ZCCHC7: variants seen among roughly 807,000 people sequenced by gnomAD.
The protein encoded by ZCCHC7 is zinc finger CCHC domain-containing protein 7.
A neutral mutation model predicts 52.0 loss-of-function variants in ZCCHC7; 35 were observed. That is an observed-to-expected ratio of 0.67 (90% CI 0.51 to 0.89). The LOEUF is 0.89. ZCCHC7 is among the 40% of genes least tolerant of loss of function. The pLI, the probability that ZCCHC7 is intolerant of heterozygous loss-of-function variation, is 0.00. For synonymous variants in ZCCHC7, 217 were observed against 221.5 expected (o/e 0.98, Z 0.18); for missense variants, 574 against 649.1 (o/e 0.88, Z 1.26).
intron 2 of ZCCHC7, among the ~76,000 whole-genome samples, chr9:37,301,934 C>T (rs1015957555): frequency 7.2e-5 from 11 of 152,104 alleles, no homozygotes; most frequent in African/African-American, 2.7e-4. Context: ...TTTATTCTCA[C>T]AGGACTTTTT....
At chr9:37,201,462 A>G (rs1820582343) in intron 2 of ZCCHC7, among the ~76,000 whole-genome samples, 1 of 152,236 alleles carries the variant, frequency 6.6e-6, no homozygotes, top group Non-Finnish European at 1.5e-5. Context: ...TATTGCAAGT[A>G]TTAGAAAACA....
intron 2 of ZCCHC7, among the ~76,000 whole-genome samples, chr9:37,239,926 A>C (rs936743919): frequency 6.6e-6 from 1 of 152,114 alleles, no homozygotes; most frequent in African/African-American, 2.4e-5. Flanking sequence ...GAATGAAAAC[A>C]TATGGGAACC....
intron 6 of ZCCHC7, among the ~76,000 whole-genome samples, chr9:37,344,298 T>C (rs903199891): frequency 1.3e-5 from 2 of 152,202 alleles, no homozygotes; most frequent in Non-Finnish European, 2.9e-5. Flanking sequence ...TGCTGACAGC[T>C]ACCAACTAGT....
intron 6 of ZCCHC7, among the ~76,000 whole-genome samples, chr9:37,329,247 T>C (rs1830361877): frequency 6.6e-6 from 1 of 151,794 alleles, no homozygotes; most frequent in Admixed American, 6.6e-5. Context: ...AAAGCTGCTC[T>C]TTTGATTATT....
At chr9:37,327,971 C>G in intron 6 of ZCCHC7, 137 bp downstream of exon 6, 1 of 871,428 alleles carries the variant, frequency 1.1e-6, no homozygotes, top group Non-Finnish European at 1.8e-6. Context: ...ACGGAGAAAG[C>G]AATAATACAC....
chr9:37,262,750 T>C (rs1311888275), intron 2 of ZCCHC7, among the ~76,000 whole-genome samples: 1 of 152,226 alleles, frequency 6.6e-6, no homozygotes, highest in East Asian at 1.9e-4. Flanking sequence ...CTCCTTACTT[T>C]TCATGTCTTA....
intron 2 of ZCCHC7, among the ~76,000 whole-genome samples, chr9:37,272,775 G>A (rs1198816164): frequency 2.0e-5 from 3 of 152,072 alleles, no homozygotes; most frequent in Non-Finnish European, 4.4e-5. Context: ...TATTCCGTAC[G>A]TATTCTTCTA....
intron 2 of ZCCHC7, among the ~76,000 whole-genome samples, chr9:37,211,467 AATACTGAGTTCTCTCACAGTGCTT>A (rs1824210384): frequency 6.6e-6 from 1 of 152,134 alleles, no homozygotes; most frequent in African/African-American, 2.4e-5. Context: ...TTTATCATCA[AATACTGAGTTCTCTCACAGTGCTT>A]TGATTCACAC....
At chr9:37,157,162 T>C (rs1202944464) in intron 2 of ZCCHC7, among the ~76,000 whole-genome samples, 1 of 150,096 alleles carries the variant, frequency 6.7e-6, no homozygotes, top group Non-Finnish European at 1.5e-5. Context: ...TCTGTACTAG[T>C]AGTCATTGTA....
intron 2 of ZCCHC7, among the ~76,000 whole-genome samples, chr9:37,150,982 T>G (rs1160768014): frequency 6.6e-6 from 1 of 150,502 alleles, no homozygotes; most frequent in African/African-American, 2.4e-5. Context: ...TTTTTTTTTT[T>G]GAGACGGAGT....
chr9:37,223,597 A>G (rs1824938742), intron 2 of ZCCHC7, among the ~76,000 whole-genome samples: 2 of 151,684 alleles, frequency 1.3e-5, no homozygotes. Flanking sequence ...AGTATAATTA[A>G]TGATACTGAG....
At chr9:37,127,416 G>GA (rs1473412543) in intron 2 of ZCCHC7, among the ~76,000 whole-genome samples, 1 of 152,258 alleles carries the variant, frequency 6.6e-6, no homozygotes, top group East Asian at 1.9e-4. Flanking sequence ...TTAGTGTTAG[G>GA]ATTAGGATTT....
intron 2 of ZCCHC7, among the ~76,000 whole-genome samples, chr9:37,250,607 T>TCTCTCTCTC (rs981549724): frequency 1.3e-5 from 2 of 152,066 alleles, no homozygotes; most frequent in Non-Finnish European, 2.9e-5. Flanking sequence ...TGGCCTCTCT[T>TCTCTCTCTC]CTCTCTCTCT....
At chr9:37,238,490 A>G (rs1454875391) in intron 2 of ZCCHC7, among the ~76,000 whole-genome samples, 1 of 152,026 alleles carries the variant, frequency 6.6e-6, no homozygotes, top group Non-Finnish European at 1.5e-5. Flanking sequence ...ATATTCTTTG[A>G]GGAGAATAGA....
At chr9:37,244,796 T>C (rs1826015042) in intron 2 of ZCCHC7, among the ~76,000 whole-genome samples, 1 of 151,876 alleles carries the variant, frequency 6.6e-6, no homozygotes, top group East Asian at 1.9e-4. Flanking sequence ...TGGAATAGAA[T>C]CCAGTGTTGA....
At chr9:37,192,088 A>G (rs989148368) in intron 2 of ZCCHC7, among the ~76,000 whole-genome samples, 7 of 152,214 alleles carry the variant, frequency 4.6e-5, no homozygotes, top group African/African-American at 9.6e-5. Context: ...AAGAGCTACC[A>G]TTTCAGAACT....
intron 2 of ZCCHC7, among the ~76,000 whole-genome samples, chr9:37,259,376 C>CT (rs534686260): frequency 1.3e-5 from 2 of 152,078 alleles, no homozygotes; most frequent in East Asian, 1.9e-4. Flanking sequence ...CTTTCTGGCT[C>CT]TTTTTTCTGC....
chr9:37,270,150 A>G (rs767960197), intron 2 of ZCCHC7, among the ~76,000 whole-genome samples: 5 of 152,324 alleles, frequency 3.3e-5, no homozygotes, highest in Non-Finnish European at 5.9e-5. Context: ...TGCTACATAA[A>G]ATATATTATT....
chr9:37,182,130 T>C lies in ZCCHC7; in HGVS notation c.610+55188T>C, dbSNP rs149650116. On this transcript the variant is annotated intron_variant, in intron 2 of 8. Coordinates refer to ENST00000336755, the MANE Select transcript of ZCCHC7 (RefSeq NM_032226.3). Reference sequence around the variant, plus strand: ...TGACATTTATGCTGTAATCTGATGCTGTGAAGACTGAAAATGTTGACAGGG... The same window carrying C: ...TGACATTTATGCTGTAATCTGATGCCGTGAAGACTGAAAATGTTGACAGGG... Among the ~76,000 whole-genome samples the C allele has an allele frequency of 7.9e-5, 12 of 152,362 alleles. No individual in the cohort carries two copies. The East Asian group carries it at 2.3e-3, about 29-fold the overall frequency.
Sources: allele counts gnomAD v4.1 joint callset (sites outside exome capture counted in the v4.1 genomes callset), GRCh38; gene constraint gnomAD v4.1.1; transcripts MANE v1.5; gene names NCBI Gene and HGNC (gene_info 2026-07-23, HGNC 2026-07-21).